The following CERT1 variants were observed in gnomAD, a reference collection of about 807,000 sequenced individuals.
The protein encoded by CERT1 is ceramide transporter 1, also known as ceramide transfer protein.
In CERT1, 31 loss-of-function variants were observed where a neutral mutation model predicts 87.9. The observed-to-expected ratio is 0.35, with a 90% CI of 0.27 to 0.48. The LOEUF is 0.48. Ranked by LOEUF, CERT1 falls within the 20% of genes least tolerant of loss-of-function variation. The pLI is 0.99. For synonymous variants in CERT1, 289 were observed against 250.9 expected, an observed-to-expected ratio of 1.15 and a Z score of -1.44; for missense variants, 487 against 758.0, an observed-to-expected ratio of 0.64 and a Z score of 4.20.
chr5:75,505,891 C>T (rs1179143200), intron 2 of CERT1, 91 bp downstream of exon 2: 2 of 926,168 alleles, frequency 2.2e-6, no homozygotes, highest in Non-Finnish European at 3.3e-6. Context: ...TTTATCTTAT[C>T]CACGGATGTA....
chr5:75,487,989 T>C (rs1417148048), intron 2 of CERT1, among the ~76,000 whole-genome samples: 2 of 151,982 alleles, frequency 1.3e-5, no homozygotes, highest in Non-Finnish European at 2.9e-5. Flanking sequence ...TACTAATTTG[T>C]GTGAGGTAAA....
intron 2 of CERT1, among the ~76,000 whole-genome samples, chr5:75,482,158 C>A (rs1457345589): frequency 6.6e-6 from 1 of 152,118 alleles, no homozygotes; most frequent in Non-Finnish European, 1.5e-5. Context: ...CTAGACCAGC[C>A]CTGGGCCAGA....
upstream of CERT1, chr5:75,511,913 G>C (rs1768035301): frequency 3.2e-6 from 4 of 1,264,656 alleles, no homozygotes; most frequent in South Asian, 1.4e-5. Context: ...CTGAGGTAAC[G>C]GGTGAGTATC....
At chr5:75,479,600 T>G (rs557069778) in intron 2 of CERT1, among the ~76,000 whole-genome samples, 2 of 152,310 alleles carry the variant, frequency 1.3e-5, no homozygotes, top group East Asian at 1.9e-4. Flanking sequence ...CCATCCACGT[T>G]CCTGCAAAAG....
intron 6 of CERT1, among the ~76,000 whole-genome samples, chr5:75,418,909 C>T (rs552061762): frequency 3.3e-5 from 5 of 152,158 alleles, no homozygotes; most frequent in South Asian, 2.1e-4. Context: ...GATAGTTTCA[C>T]GAAAATATCC....
At chr5:75,423,196 T>C (rs1763459084) in intron 5 of CERT1, among the ~76,000 whole-genome samples, 1 of 152,252 alleles carries the variant, frequency 6.6e-6, no homozygotes, top group Admixed American at 6.5e-5. Flanking sequence ...TTCCACTTTT[T>C]CCACCATCAC....
At chr5:75,506,891 T>C (rs1047731666) in intron 1 of CERT1, among the ~76,000 whole-genome samples, 1 of 152,202 alleles carries the variant, frequency 6.6e-6, no homozygotes, top group Admixed American at 6.5e-5. Context: ...CACAATAAAC[T>C]GGAAAAGGCA....
chr5:75,501,585 A>G (rs1255709030), intron 2 of CERT1, among the ~76,000 whole-genome samples: 2 of 152,242 alleles, frequency 1.3e-5, no homozygotes, highest in East Asian at 1.9e-4. Context: ...ATGAATCATT[A>G]GCAGTTTAAG....
chr5:75,405,025 C>CAAA, intron 8 of CERT1, among the ~76,000 whole-genome samples: 1 of 152,056 alleles, frequency 6.6e-6, no homozygotes, highest in East Asian at 1.9e-4. Flanking sequence ...CAAACAACAA[C>CAAA]AACAACAACA....
chr5:75,511,906 A>C (rs1768034879), upstream of CERT1: 1 of 1,341,618 alleles, frequency 7.5e-7, no homozygotes, highest in Admixed American at 2.3e-5. Context: ...CGCGATCCTG[A>C]GGTAACGGGT....
At chr5:75,480,529 T>C (rs941604522) in intron 2 of CERT1, among the ~76,000 whole-genome samples, 1 of 152,198 alleles carries the variant, frequency 6.6e-6, no homozygotes, top group Non-Finnish European at 1.5e-5. Context: ...CTCACACGCA[T>C]ACATGCCCTA....
At chr5:75,447,406 C>G (rs1426661678) in intron 3 of CERT1, among the ~76,000 whole-genome samples, 1 of 151,732 alleles carries the variant, frequency 6.6e-6, no homozygotes, top group East Asian at 1.9e-4. Context: ...GGTTATAAGA[C>G]TGAAGGTAGT....
chr5:75,452,947 T>C (rs2112287045), intron 3 of CERT1, among the ~76,000 whole-genome samples: 1 of 152,310 alleles, frequency 6.6e-6, no homozygotes. Context: ...AAATTACTGG[T>C]CTGGTATACA....
intron 2 of CERT1, among the ~76,000 whole-genome samples, chr5:75,482,528 G>C (rs927152300): frequency 7.5e-4 from 114 of 152,192 alleles, no homozygotes; most frequent in African/African-American, 2.7e-3. Context: ...TTTAGGCCTT[G>C]AGTAAATACC....
intron 3 of CERT1, among the ~76,000 whole-genome samples, chr5:75,439,258 G>T (rs934991832): frequency 6.6e-6 from 1 of 151,290 alleles, no homozygotes; most frequent in African/African-American, 2.4e-5. Flanking sequence ...AAATTTGGTA[G>T]CTTGGTTTAA....
chr5:75,379,077 G>A lies in CERT1; in HGVS notation c.*269C>T. 1 of 296,208 alleles carries A rather than the reference G, an allele frequency of 3.4e-6. No individual in the cohort carries two copies. The highest frequency in any genetic ancestry group is 6.3e-6 in the Non-Finnish European group (1 of 159,248). 18.3% of individuals were successfully genotyped at this position (296,208 alleles called of 1,614,324 possible). On this transcript the variant is annotated 3_prime_UTR_variant, in exon 17 of 17. Transcript: ENST00000643780. Reference sequence around the variant, plus strand: ...GCCTGTGGGGACTCCCAGCTACTGGGAAGGCTGAGATGAGAGGATTGTTTG... The same window carrying A: ...GCCTGTGGGGACTCCCAGCTACTGGAAAGGCTGAGATGAGAGGATTGTTTG...
chr5:75,478,904 A>C (rs1766092993), intron 2 of CERT1, among the ~76,000 whole-genome samples: 1 of 128,720 alleles, frequency 7.8e-6, no homozygotes, highest in Non-Finnish European at 1.6e-5. Context: ...CTTGAAAGTA[A>C]GTACTAAAAA....
chr5:75,388,894 G>A (rs868513656), intron 12 of CERT1, among the ~76,000 whole-genome samples: 6 of 151,938 alleles, frequency 3.9e-5, no homozygotes, highest in Middle Eastern at 3.2e-3. Context: ...TAAAAGTGCT[G>A]GGATTACAGG....
chr5:75,416,452 A>C (rs1763138442), intron 7 of CERT1, among the ~76,000 whole-genome samples: 1 of 152,222 alleles, frequency 6.6e-6, no homozygotes, highest in Non-Finnish European at 1.5e-5. Context: ...AATGTATGTT[A>C]AATGGTATCA....
Sources: gnomAD v4.1 joint callset for allele counts (sites outside exome capture counted in the v4.1 genomes callset) on GRCh38, gnomAD v4.1.1 for gene constraint, MANE v1.5 for transcripts, NCBI Gene and HGNC (gene_info 2026-07-23, HGNC 2026-07-21) for gene names.